The following KHDRBS3 variants were observed in gnomAD, a reference collection of about 807,000 sequenced individuals.
KHDRBS3 encodes KH RNA binding domain containing, signal transduction associated 3, also known as KH domain-containing, RNA-binding, signal transduction-associated protein 3.
In KHDRBS3, 23 loss-of-function variants were observed where a neutral mutation model predicts 45.6. The ratio of observed to expected loss-of-function variants is 0.50; its 90% confidence interval spans 0.36 to 0.72. The LOEUF is 0.72. Among genes scored for constraint, KHDRBS3 ranks in the 30% least tolerant of loss-of-function variants. KHDRBS3 has a pLI of 0.00. For missense variants in KHDRBS3, 352 were observed against 424.8 expected, an observed-to-expected ratio of 0.83 and a Z score of 1.51; for synonymous variants, 162 against 156.5, an observed-to-expected ratio of 1.04 and a Z score of -0.26.
intron 6 of KHDRBS3, among the ~76,000 whole-genome samples, chr8:135,597,144 C>G (rs4909491): frequency 0.98 from 149,599 of 152,314 alleles, 73,530 homozygotes; most frequent in East Asian, 1. Context: ...ATTAAGTGGT[C>G]AAGACTTGCT....
At chr8:135,525,484 ACTTT>A (rs1313289659) in intron 2 of KHDRBS3, among the ~76,000 whole-genome samples, 2 of 152,110 alleles carry the variant, frequency 1.3e-5, no homozygotes, top group South Asian at 2.1e-4. Context: ...TGAAGTCATA[ACTTT>A]CTTTCAGAAT....
At chr8:135,596,598 A>G (rs543866331) in intron 6 of KHDRBS3, among the ~76,000 whole-genome samples, 1 of 152,368 alleles carries the variant, frequency 6.6e-6, no homozygotes, top group African/African-American at 2.4e-5. Flanking sequence ...AATTACAGAC[A>G]TACAAGAAGG....
intron 4 of KHDRBS3, among the ~76,000 whole-genome samples, chr8:135,553,599 G>C (rs957733497): frequency 2.0e-5 from 3 of 152,132 alleles, no homozygotes; most frequent in Non-Finnish European, 4.4e-5. Context: ...GTGATCCTAG[G>C]ATTAACCTTG....
At chr8:135,653,157 C>T (rs183405778) in intron 4 of KHDRBS3, among the ~76,000 whole-genome samples, 217 of 152,138 alleles carry the variant, frequency 1.4e-3, no homozygotes, top group Non-Finnish European at 2.2e-3. Context: ...GTGAAGTGTG[C>T]GGGGATGGTG....
chr8:135,532,384 G>A (rs1172866066), intron 2 of KHDRBS3, among the ~76,000 whole-genome samples: 2 of 152,164 alleles, frequency 1.3e-5, no homozygotes, highest in Admixed American at 1.3e-4. Flanking sequence ...CAGGAAATAG[G>A]TAAGTGTAGA....
intron 7 of KHDRBS3, chr8:135,625,109 A>G (rs1218990920): frequency 3.5e-6 from 3 of 867,758 alleles, no homozygotes; most frequent in Non-Finnish European, 5.5e-6. Flanking sequence ...TCTAAGGATA[A>G]TAAAAGGGAG....
At chr8:135,645,190 G>C in intron 8 of KHDRBS3, 73 bp downstream of exon 8, 1 of 1,484,514 alleles carries the variant, frequency 6.7e-7, no homozygotes, top group Non-Finnish European at 9.4e-7. Context: ...GATATTAATG[G>C]GAAGAGAATA....
intron 7 of KHDRBS3, among the ~76,000 whole-genome samples, chr8:135,616,464 TTACTC>T (rs1829921344): frequency 6.6e-6 from 1 of 152,190 alleles, no homozygotes. Context: ...CACTGTCACT[TTACTC>T]TTTAATGTTC....
intron 6 of KHDRBS3, among the ~76,000 whole-genome samples, chr8:135,590,500 TAA>T (rs1478298908): frequency 6.6e-6 from 1 of 152,210 alleles, no homozygotes; most frequent in Non-Finnish European, 1.5e-5. Context: ...CTTTCCAACT[TAA>T]AAAGTCTGCA....
chr8:135,572,292 A>G (rs1460817656), intron 5 of KHDRBS3, among the ~76,000 whole-genome samples: 1 of 152,204 alleles, frequency 6.6e-6, no homozygotes, highest in African/African-American at 2.4e-5. Flanking sequence ...ACTGGGTACA[A>G]AGAGAAGAAA....
chr8:135,530,898 A>G (rs1225238655), intron 2 of KHDRBS3, among the ~76,000 whole-genome samples: 1 of 152,110 alleles, frequency 6.6e-6, no homozygotes, highest in Non-Finnish European at 1.5e-5. Context: ...TTAGAACACT[A>G]TCACCCCTTA....
At chr8:135,607,762 C>A (rs1247930017) in intron 7 of KHDRBS3, among the ~76,000 whole-genome samples, 2 of 152,114 alleles carry the variant, frequency 1.3e-5, no homozygotes, top group Non-Finnish European at 2.9e-5. Context: ...GATTCTGAAG[C>A]ATAAGAAAAT....
intron 6 of KHDRBS3, among the ~76,000 whole-genome samples, chr8:135,605,246 G>A (rs1215016104): frequency 6.6e-6 from 1 of 151,676 alleles, no homozygotes; most frequent in Non-Finnish European, 1.5e-5. Flanking sequence ...TTTCCTTTGG[G>A]TCTGTCAGTA....
In KHDRBS3 at chr8:135,536,999, G is replaced by GAAAAA. The variant is rs1375807666; in HGVS notation, c.208-5654_208-5653insAAAAA. On this transcript the variant is annotated intron_variant, in intron 2 of 8. Coordinates refer to ENST00000355849, the MANE Select transcript of KHDRBS3 (RefSeq NM_006558.3). The stretch of plus-strand genomic sequence containing the variant: ...AAAAAAAAAAAAAAAAAAAAAAAAG[G>GAAAAA]AGATGTTTAGGAGGTAAAATCATTA... Among the ~76,000 whole-genome samples, 64 of 29,410 alleles carry GAAAAA rather than the reference G, an allele frequency of 2.2e-3. 7 individuals are homozygous for GAAAAA. Among genetic ancestry groups the GAAAAA allele is most frequent in the African/African-American group, 6.3e-3 (60 of 9,554 alleles). The allele number at this position is 29,410 out of a possible 152,430, so 19.3% of individuals were successfully genotyped here.
intron 7 of KHDRBS3, among the ~76,000 whole-genome samples, chr8:135,627,685 A>C (rs559801581): frequency 6.6e-6 from 1 of 152,218 alleles, no homozygotes; most frequent in African/African-American, 2.4e-5. Context: ...GTGAAAGTTA[A>C]CATACGTATA....
At chr8:135,490,639 C>G (rs1199869299) in intron 1 of KHDRBS3, among the ~76,000 whole-genome samples, 2 of 152,110 alleles carry the variant, frequency 1.3e-5, no homozygotes, top group African/African-American at 4.8e-5. Flanking sequence ...TATTAAAAAT[C>G]AAATGGGAAG....
intron 5 of KHDRBS3, among the ~76,000 whole-genome samples, chr8:135,576,793 G>A (rs1164431392): frequency 6.6e-6 from 1 of 152,122 alleles, no homozygotes; most frequent in Non-Finnish European, 1.5e-5. Context: ...AGCTGACATA[G>A]AATGGACATA....
At chr8:135,627,693 A>G (rs992584209) in intron 7 of KHDRBS3, among the ~76,000 whole-genome samples, 3 of 152,196 alleles carry the variant, frequency 2.0e-5, no homozygotes, top group African/African-American at 7.2e-5. Flanking sequence ...TAACATACGT[A>G]TACACCCACA....
At chr8:135,633,476 A>C (rs1830688739) in intron 7 of KHDRBS3, among the ~76,000 whole-genome samples, 1 of 152,254 alleles carries the variant, frequency 6.6e-6, no homozygotes, top group Non-Finnish European at 1.5e-5. Context: ...TTAATAAATC[A>C]GGTGAGTCTG....
Sources: gnomAD v4.1 joint callset for allele counts (sites outside exome capture counted in the v4.1 genomes callset) on GRCh38, gnomAD v4.1.1 for gene constraint, MANE v1.5 for transcripts, NCBI Gene and HGNC (gene_info 2026-07-23, HGNC 2026-07-21) for gene names.